Variants in PDZRN4 observed in about 807,000 individuals in gnomAD.
The protein encoded by PDZRN4 is PDZ domain containing ring finger 4.
PDZRN4 carries 70 observed loss-of-function variants against 99.0 expected under a neutral mutation model. The ratio of observed to expected loss-of-function variants is 0.71; its 90% CI spans 0.58 to 0.86. The LOEUF (loss-of-function observed/expected upper bound fraction) is 0.86, where lower values mean the gene tolerates loss of function less well. PDZRN4 is among the 40% of genes least tolerant of loss of function. PDZRN4 has a pLI of 0.00. For missense variants in PDZRN4, 1,474 were observed against 1,331.2 expected (o/e 1.11, Z -1.67); for synonymous variants, 551 against 501.6 (o/e 1.10, Z -1.32).
chr12:41,264,730 G>A (rs983616511), intron 3 of PDZRN4, among the ~76,000 whole-genome samples: 2 of 152,108 alleles, frequency 1.3e-5, no homozygotes, highest in Non-Finnish European at 2.9e-5. Flanking sequence ...AATACAAATA[G>A]ATGGTGCAGT....
intron 3 of PDZRN4, among the ~76,000 whole-genome samples, chr12:41,488,413 T>C (rs1381906890): frequency 6.6e-6 from 1 of 152,180 alleles, no homozygotes; most frequent in Non-Finnish European, 1.5e-5. Flanking sequence ...AAATAAGAGA[T>C]AGAAGATAAG....
chr12:41,313,520 G>T lies in PDZRN4; in HGVS notation c.843+119332G>T, dbSNP rs913416869. 2.6e-5 allele frequency among the ~76,000 whole-genome samples: 4 copies of T among 152,234 alleles called. No individual in the cohort carries two copies. In the East Asian group the frequency reaches 7.7e-4, roughly 29 times the overall value. ...ACCTCTGCTCATTTGTCCTGGTGCC[G>T]AGAAGGCCCCATCCCTTTCAGTCTC... On this transcript the variant is annotated intron_variant, in intron 3 of 9. Coordinates refer to ENST00000402685, the MANE Select transcript of PDZRN4 (RefSeq NM_001164595.2).
At chr12:41,448,197 G>A (rs530416467) in intron 3 of PDZRN4, among the ~76,000 whole-genome samples, 5 of 152,198 alleles carry the variant, frequency 3.3e-5, no homozygotes, top group Non-Finnish European at 7.4e-5. Context: ...CTCGCAATCT[G>A]TTTTGTTTCC....
At chr12:41,378,520 A>AT (rs71081733) in intron 3 of PDZRN4, among the ~76,000 whole-genome samples, 19,776 of 102,828 alleles carry the variant, frequency 0.19, 2,345 homozygotes, top group South Asian at 0.24. Context: ...TCTGTCTTCA[A>AT]TTTTTTTTTT....
intron 3 of PDZRN4, among the ~76,000 whole-genome samples, chr12:41,408,656 CA>C (rs1952367026): frequency 1.3e-5 from 2 of 151,852 alleles, no homozygotes; most frequent in Non-Finnish European, 2.9e-5. Context: ...TATATTTTTC[CA>C]AAAAACAATA....
chr12:41,570,376 A>G (rs1486593581), intron 9 of PDZRN4, among the ~76,000 whole-genome samples: 1 of 152,240 alleles, frequency 6.6e-6, no homozygotes, highest in Non-Finnish European at 1.5e-5. Context: ...GTTTGAGAAT[A>G]GAAAACTATT....
intron 5 of PDZRN4, among the ~76,000 whole-genome samples, chr12:41,533,089 A>G (rs1246311078): frequency 6.7e-6 from 1 of 150,138 alleles, no homozygotes; most frequent in East Asian, 1.9e-4. Flanking sequence ...TAATTCTGTC[A>G]TTTTTTTTTC....
rs747654237 is a variant in PDZRN4 at position 41,188,797 on chromosome 12, C to T, written c.342C>T (p.Ser114=). The T allele has an allele frequency of 7.4e-7, 1 of 1,355,054 alleles. No individual in the cohort carries two copies. The highest frequency in any genetic ancestry group is 9.4e-7 in the Non-Finnish European group (1 of 1,060,556). The allele number at this position is 1,355,054 out of a possible 1,614,324, so 83.9% of individuals were successfully genotyped here. ...CDFGPARRLR[S]RGGCASGLGG... ...TCGGCCCTGCCCGCCGGCTCCGCAGCCGCGGGGGCTGCGCTTCGGGGCTGG... is the reference window on the plus strand; with the variant it reads ...TCGGCCCTGCCCGCCGGCTCCGCAGTCGCGGGGGCTGCGCTTCGGGGCTGG... Residue 114 remains serine (S), a synonymous_variant, in exon 1 of 10, where the codon AGC becomes AGT. Coordinates refer to ENST00000402685, the MANE Select transcript of PDZRN4 (RefSeq NM_001164595.2).
intron 3 of PDZRN4, among the ~76,000 whole-genome samples, chr12:41,253,139 G>T (rs968753345): frequency 5.9e-5 from 9 of 152,108 alleles, no homozygotes; most frequent in Admixed American, 2.0e-4. Context: ...TTTGTTGATT[G>T]TTTCCCTTGC....
chr12:41,296,125 A>C (rs1394694001), intron 3 of PDZRN4, among the ~76,000 whole-genome samples: 1 of 152,166 alleles, frequency 6.6e-6, no homozygotes, highest in Admixed American at 6.6e-5. Flanking sequence ...CAAATTTTCC[A>C]CCTGATGAGT....
intron 3 of PDZRN4, among the ~76,000 whole-genome samples, chr12:41,429,650 T>C (rs1952568947): frequency 6.6e-6 from 1 of 152,068 alleles, no homozygotes; most frequent in Non-Finnish European, 1.5e-5. Flanking sequence ...CCTCATTTAC[T>C]ACTCATGTGA....
chr12:41,347,044 A>G (rs988732257), intron 3 of PDZRN4, among the ~76,000 whole-genome samples: 2 of 152,218 alleles, frequency 1.3e-5, no homozygotes, highest in Admixed American at 1.3e-4. Flanking sequence ...TAGTTTATCT[A>G]TCAGTTGATA....
At chr12:41,402,787 A>T in intron 3 of PDZRN4, among the ~76,000 whole-genome samples, 1 of 151,014 alleles carries the variant, frequency 6.6e-6, no homozygotes, top group East Asian at 1.9e-4. Context: ...TTTGTATAAG[A>T]AAACAATCCA....
chr12:41,381,854 A>G (rs548486280), intron 3 of PDZRN4, among the ~76,000 whole-genome samples: 65 of 152,210 alleles, frequency 4.3e-4, no homozygotes, highest in African/African-American at 1.5e-3. Context: ...GCCCTTAGAC[A>G]TTTACTTTAA....
At chr12:41,246,150 C>T (rs1380847181) in intron 3 of PDZRN4, among the ~76,000 whole-genome samples, 1 of 152,104 alleles carries the variant, frequency 6.6e-6, no homozygotes, top group Non-Finnish European at 1.5e-5. Context: ...TGATAATTTG[C>T]TTTGATGTCA....
intron 3 of PDZRN4, among the ~76,000 whole-genome samples, chr12:41,352,360 G>A (rs961323627): frequency 6.6e-6 from 1 of 152,132 alleles, no homozygotes; most frequent in African/African-American, 2.4e-5. Flanking sequence ...CATGTCAGAT[G>A]CTAATAGTAT....
At chr12:41,461,527 G>A (rs1952873789) in intron 3 of PDZRN4, among the ~76,000 whole-genome samples, 1 of 152,104 alleles carries the variant, frequency 6.6e-6, no homozygotes, top group Non-Finnish European at 1.5e-5. Context: ...TAACAGACAA[G>A]GCTCCCAACA....
chr12:41,424,823 T>C (rs1413391960), intron 3 of PDZRN4, among the ~76,000 whole-genome samples: 1 of 152,108 alleles, frequency 6.6e-6, no homozygotes, highest in African/African-American at 2.4e-5. Context: ...CTTACAAGCC[T>C]GGAGTGAGTG....
intron 5 of PDZRN4, among the ~76,000 whole-genome samples, chr12:41,535,540 G>A (rs1449065034): frequency 6.6e-6 from 1 of 152,114 alleles, no homozygotes; most frequent in South Asian, 2.1e-4. Context: ...TGTATAATAG[G>A]CAACTGTTAC....
Sources: allele counts gnomAD v4.1 joint callset (sites outside exome capture counted in the v4.1 genomes callset), GRCh38; gene constraint gnomAD v4.1.1; transcripts MANE v1.5; gene names NCBI Gene and HGNC (gene_info 2026-07-23, HGNC 2026-07-21).